The following EDEM2 variants were observed in gnomAD, a reference collection of about 807,000 sequenced individuals.
EDEM2 encodes ER degradation-enhancing alpha-mannosidase-like protein 2.
In EDEM2, 39 loss-of-function variants were observed where a neutral mutation model predicts 64.8. That is an observed-to-expected ratio of 0.60 (90% CI 0.47 to 0.79). The LOEUF (loss-of-function observed/expected upper bound fraction) is 0.79, where lower values mean the gene tolerates loss of function less well. Among genes scored for constraint, EDEM2 ranks in the 30% least tolerant of loss-of-function variants. The pLI is 0.00. For missense variants in EDEM2, 609 were observed against 731.3 expected, an observed-to-expected ratio of 0.83 and a Z score of 1.93; for synonymous variants, 296 against 291.5, an observed-to-expected ratio of 1.02 and a Z score of -0.16.
intron 9 of EDEM2, among the ~76,000 whole-genome samples, chr20:35,120,897 C>A (rs959964654): frequency 8.5e-5 from 13 of 152,076 alleles, no homozygotes; most frequent in South Asian, 2.1e-4. Context: ...ACACCCAGCC[C>A]TCTTCTGCTT....
chr20:35,115,536 T>A lies in EDEM2; in HGVS notation c.1634A>T (p.Glu545Val). The change falls in exon 11 of 11, where the codon GAG (glutamate) becomes GTG (valine). Residue 545 changes from glutamate to valine, a missense_variant. Coordinates refer to ENST00000374492, the MANE Select transcript of EDEM2 (RefSeq NM_018217.3). Reference protein sequence around the residue: ...FSPENHDQARERKPAKQKVPL... With the variant: ...FSPENHDQARVRKPAKQKVPL... Reference sequence around the variant, plus strand: ...GACCTTCTGTTTGGCAGGCTTCCTCTCCCTTGCCTGGTCATGGTTTTCTGG... The same window carrying A: ...GACCTTCTGTTTGGCAGGCTTCCTCACCCTTGCCTGGTCATGGTTTTCTGG... 1 of 1,614,158 alleles carries A rather than the reference T, an allele frequency of 6.2e-7. No individual in the cohort carries two copies. Among genetic ancestry groups the A allele is most frequent in the Non-Finnish European group, 8.5e-7 (1 of 1,179,978 alleles).
intron 7 of EDEM2, 88 bp downstream of exon 7, chr20:35,131,554 A>G (rs1215853932): frequency 6.6e-7 from 1 of 1,515,622 alleles, no homozygotes; most frequent in African/African-American, 1.4e-5. Flanking sequence ...AGATGGAGCA[A>G]GACTCTGTCT....
Position 35,134,810 on chromosome 20 carries a change from AC to A in EDEM2, c.629del (p.Gly210ValfsTer13). 6.2e-7 allele frequency: 1 copy of A among 1,614,142 alleles called. No individual in the cohort carries two copies. Among genetic ancestry groups the A allele is most frequent in the Non-Finnish European group, 8.5e-7 (1 of 1,180,026 alleles). Reference sequence around the variant, plus strand: ...TGGCCACATCTTCGAACACCGGGTCACCAGTGAGGCTGCTCAGGGTGGCAAA... The same window carrying A: ...TGGCCACATCTTCGAACACCGGGTCACAGTGAGGCTGCTCAGGGTGGCAAA... ...VEFATLSSLT[G>X]DPVFEDVARV... On this transcript the variant is annotated frameshift_variant, in exon 6 of 11. Coordinates refer to ENST00000374492, the MANE Select transcript of EDEM2 (RefSeq NM_018217.3). LOFTEE classifies it high-confidence loss of function.
In EDEM2 at chr20:35,147,221, C is replaced by T; in HGVS notation, c.38G>A (p.Cys13Tyr). Reference sequence around the variant, plus strand: ...ACCATGGTGCTGAGGCAGCAGCGCGCACAGGAGGCCGAGCGGGATGAGCAG... The same window carrying T: ...ACCATGGTGCTGAGGCAGCAGCGCGTACAGGAGGCCGAGCGGGATGAGCAG... ...FRLLIPLGLL[C>Y]ALLPQHHGAP... is the part of the protein sequence containing the mutation. Residue 13 changes from cysteine to tyrosine, a missense_variant, in exon 1 of 11, where the codon TGC (cysteine) becomes TAC (tyrosine). Physicochemically the swap from Cys to Tyr is radical, Grantham distance 194 (BLOSUM62 -2). Transcript: ENST00000374492. 3 of 1,598,672 alleles carry T rather than the reference C, an allele frequency of 1.9e-6. No individual in the cohort carries two copies. Among genetic ancestry groups the T allele is most frequent in the Non-Finnish European group, 2.6e-6 (3 of 1,171,012 alleles).
At chr20:35,133,564 T>C (rs1260580712) in intron 6 of EDEM2, among the ~76,000 whole-genome samples, 1 of 152,006 alleles carries the variant, frequency 6.6e-6, no homozygotes, top group African/African-American at 2.4e-5. Flanking sequence ...CCTCCCAGGT[T>C]CAGGCAATTC....
intron 5 of EDEM2, among the ~76,000 whole-genome samples, chr20:35,135,376 A>C (rs1436680092): frequency 6.6e-6 from 1 of 152,192 alleles, no homozygotes; most frequent in East Asian, 1.9e-4. Flanking sequence ...CCATTCATAG[A>C]CTTTTGGCTC....
intron 1 of EDEM2, 86 bp downstream of exon 1, chr20:35,147,066 A>G: frequency 6.5e-7 from 1 of 1,547,102 alleles, no homozygotes; most frequent in Non-Finnish European, 8.8e-7. Flanking sequence ...TGTCGGAGCA[A>G]GTCGGGGTCT....
At chr20:35,115,987 G>C (rs1416218381) in intron 10 of EDEM2, 54 bp from the exon 11 acceptor site, 4 of 1,570,328 alleles carry the variant, frequency 2.5e-6, no homozygotes, top group Non-Finnish European at 3.5e-6. Flanking sequence ...TTAGTAGTAA[G>C]GGTCAGGCAA....
rs2146120967 is a variant in EDEM2, at chr20:35,147,206, T to A, written c.53A>T (p.Gln18Leu). 1.9e-6 allele frequency: 3 copies of A among 1,602,604 alleles called. No individual in the cohort carries two copies. The highest frequency in any genetic ancestry group is 2.6e-6 in the Non-Finnish European group (3 of 1,172,958). Residue 18 changes from glutamine to leucine, a missense_variant, in exon 1 of 11, where the codon CAG becomes CTG. By Grantham distance (113) the Gln-to-Leu change is moderately radical (BLOSUM62 -2). Coordinates refer to ENST00000374492, the MANE Select transcript of EDEM2 (RefSeq NM_018217.3). ...GTCGGGACCTGGCGCACCATGGTGC[T>A]GAGGCAGCAGCGCGCACAGGAGGCC... is the stretch of plus-strand genomic sequence containing the variant. The part of the protein sequence containing the change: ...PLGLLCALLP[Q>L]HHGAPGPDGS...
intron 6 of EDEM2, among the ~76,000 whole-genome samples, chr20:35,132,321 T>G (rs966612266): frequency 2.0e-5 from 3 of 152,018 alleles, no homozygotes; most frequent in South Asian, 2.1e-4. Context: ...TTGACTTTTT[T>G]TTTTTTAATT....
chr20:35,125,249 G>T (rs1044255853), intron 8 of EDEM2, among the ~76,000 whole-genome samples: 14 of 149,074 alleles, frequency 9.4e-5, no homozygotes, highest in Non-Finnish European at 1.6e-4. Context: ...CACCCAGGCT[G>T]CAATGGCATG....
At chr20:35,147,050 C>A (rs755517246) in intron 1 of EDEM2, 102 bp downstream of exon 1, 89 of 1,541,020 alleles carry the variant, frequency 5.8e-5, no homozygotes, top group Non-Finnish European at 2.4e-5. Flanking sequence ...TGGGACCTAG[C>A]GGCTGTGTCG....
chr20:35,128,358 G>C (rs1179613823), intron 7 of EDEM2, among the ~76,000 whole-genome samples: 1 of 149,754 alleles, frequency 6.7e-6, no homozygotes, highest in Non-Finnish European at 1.5e-5. Context: ...ACTCCAGCCT[G>C]GGCAACAGAG....
intron 4 of EDEM2, among the ~76,000 whole-genome samples, chr20:35,139,670 AAGAAAG>A (rs2085626710): frequency 6.6e-6 from 1 of 151,548 alleles, no homozygotes; most frequent in African/African-American, 2.4e-5. Context: ...AAAAAAAGAA[AAGAAAG>A]AAAGAAAAGA....
Position 35,115,471 on chromosome 20 carries a change from A to G in EDEM2, c.1699T>C (p.Leu567=). The change falls in exon 11 of 11, where the codon TTG becomes CTG. Residue 567 remains leucine, a synonymous_variant. Coordinates refer to ENST00000374492, the MANE Select transcript of EDEM2 (RefSeq NM_018217.3). The part of the protein sequence containing the change: ...SCPSQPFTSK[L]ALLGQVFLDS... ...AGGAAAACCTGTCCCAGTAATGCCA[A>G]CTTGGAGGTGAAGGGCTGACTGGGG... 6.2e-7 allele frequency: 1 copy of G among 1,614,012 alleles called. No individual in the cohort carries two copies. Among genetic ancestry groups the G allele is most frequent in the Non-Finnish European group, 8.5e-7 (1 of 1,179,870 alleles).
At chr20:35,136,629 TGTAATCCCA>T (rs1242634067) in intron 5 of EDEM2, among the ~76,000 whole-genome samples, 1 of 151,864 alleles carries the variant, frequency 6.6e-6, no homozygotes, top group African/African-American at 2.4e-5. Flanking sequence ...GGCATCTGCC[TGTAATCCCA>T]GCTACTCAGG....
At chr20:35,143,910 CT>C (rs1004184196) in intron 3 of EDEM2, among the ~76,000 whole-genome samples, 1 of 150,998 alleles carries the variant, frequency 6.6e-6, no homozygotes, top group Non-Finnish European at 1.5e-5. Flanking sequence ...TCTTTTATAT[CT>C]TTTTTTTGTT....
rs753578036 is a variant in EDEM2, at chr20:35,137,989, C to T, written c.381G>A (p.Leu127=). ...CCTTCTTGGAGAGCAGATGAGCAGACAGGAGTCCTCCTACCACTACAGATG... is the reference window on the plus strand; with the variant it reads ...CCTTCTTGGAGAGCAGATGAGCAGATAGGAGTCCTCCTACCACTACAGATG... ...ETNIRVVGGL[L]SAHLLSKKAG... Residue 127 remains leucine (L), a synonymous_variant, in exon 5 of 11, where the codon CTG becomes CTA. Transcript: ENST00000374492. The T allele has an allele frequency of 6.2e-6, 10 of 1,614,128 alleles. No homozygotes were observed. The highest frequency in any genetic ancestry group is 3.3e-5 in the Admixed American group (2 of 60,024).
At chr20:35,132,504 A>G (rs1473973042) in intron 6 of EDEM2, among the ~76,000 whole-genome samples, 7 of 151,956 alleles carry the variant, frequency 4.6e-5, no homozygotes, top group Admixed American at 2.0e-4. Context: ...AAACACAAAA[A>G]TTAGCCAGGC....
Sources: allele counts gnomAD v4.1 joint callset (sites outside exome capture counted in the v4.1 genomes callset), GRCh38; gene constraint gnomAD v4.1.1; transcripts MANE v1.5; gene names NCBI Gene and HGNC (gene_info 2026-07-23, HGNC 2026-07-21).